The following MYLK4 variants were observed in gnomAD, a reference collection of about 807,000 sequenced individuals.
MYLK4 encodes myosin light chain kinase family member 4, also known as caMLCK like.
Under a neutral mutation model 48.1 loss-of-function variants are expected in MYLK4, and 46 were observed. The ratio of observed to expected loss-of-function variants is 0.96; its 90% CI spans 0.75 to 1.22. The LOEUF (loss-of-function observed/expected upper bound fraction) is 1.22. Among genes scored for constraint, MYLK4 ranks in the 50% most tolerant of loss-of-function variants. The probability of loss-of-function intolerance (pLI) is 0.00; values close to 1 mark genes in which losing one functional copy is unlikely to be tolerated. For synonymous variants in MYLK4, 170 were observed against 180.8 expected, an observed-to-expected ratio of 0.94 and a Z score of 0.48; for missense variants, 451 against 486.1, an observed-to-expected ratio of 0.93 and a Z score of 0.68.
At chr6:2,691,941 G>C (rs1204152290) in intron 3 of MYLK4, among the ~76,000 whole-genome samples, 1 of 152,176 alleles carries the variant, frequency 6.6e-6, no homozygotes, top group African/African-American at 2.4e-5. Flanking sequence ...CATAGCTCTA[G>C]AGAAAACATT....
chr6:2,752,802 G>A (rs561995228), upstream of MYLK4, among the ~76,000 whole-genome samples: 5 of 152,246 alleles, frequency 3.3e-5, no homozygotes, highest in African/African-American at 1.2e-4. Flanking sequence ...CTTTAATTGT[G>A]TCTACTTGCC....
chr6:2,743,799 C>G (rs1399465970), intron 2 of MYLK4: 1 of 396,188 alleles, frequency 2.5e-6, no homozygotes, highest in East Asian at 3.6e-5. Context: ...AAAGATTCAG[C>G]CAGGGCATGC....
chr6:2,717,936 T>C (rs1183903594), intron 2 of MYLK4, among the ~76,000 whole-genome samples: 1 of 152,146 alleles, frequency 6.6e-6, no homozygotes, highest in African/African-American at 2.4e-5. Context: ...ATCCCAGCAC[T>C]TTGGGCGGCC....
At chr6:2,670,746 A>G (rs1760854619) in intron 12 of MYLK4, among the ~76,000 whole-genome samples, 3 of 152,178 alleles carry the variant, frequency 2.0e-5, no homozygotes, top group South Asian at 2.1e-4. Context: ...GCAGGCCAAG[A>G]TCAGGAAGCA....
chr6:2,763,607 C>T, the MYLK4 span, among the ~76,000 whole-genome samples: 23 of 152,380 alleles, frequency 1.5e-4, no homozygotes, highest in South Asian at 3.5e-3. Context: ...CGCGCTGGCC[C>T]GCAAGCACCG....
Position 2,664,505 on chromosome 6 carries a change from G to A in MYLK4, c.*3420C>T, listed in dbSNP as rs1760571437. ...ACCCGTGCTGCGTGGCTGGGGGAGG[G>A]GCAGAGGAAGCAGAAGAGACAAAAA... On this transcript the variant is annotated 3_prime_UTR_variant, in exon 13 of 13. Coordinates refer to ENST00000274643, the MANE Select transcript of MYLK4 (RefSeq NM_001012418.5). The A allele has an allele frequency of 6.6e-6, 1 of 152,156 alleles. No individual in the cohort carries two copies. The highest frequency in any genetic ancestry group is 2.4e-5 in the African/African-American group (1 of 41,434). The allele number at this position is 152,156 out of a possible 1,614,324, so 9.4% of individuals were successfully genotyped here. A position where few individuals can be genotyped will look rare whatever the true frequency, so the allele number is the denominator to read the frequency against.
chr6:2,686,779 G>C (rs888932436), intron 4 of MYLK4, among the ~76,000 whole-genome samples: 1 of 152,196 alleles, frequency 6.6e-6, no homozygotes, highest in Non-Finnish European at 1.5e-5. Flanking sequence ...ACGTAGCCAC[G>C]GCGTGACTTC....
At chr6:2,757,093 G>A in the MYLK4 span, among the ~76,000 whole-genome samples, 4 of 151,636 alleles carry the variant, frequency 2.6e-5, no homozygotes, top group Admixed American at 2.0e-4. Flanking sequence ...GCCATAGGGC[G>A]TGCATTAATG....
At chr6:2,712,115 T>A (rs536663739) in intron 2 of MYLK4, among the ~76,000 whole-genome samples, 1 of 152,334 alleles carries the variant, frequency 6.6e-6, no homozygotes, top group East Asian at 1.9e-4. Flanking sequence ...ATGTTTCCAC[T>A]AATGCTCACT....
intron 2 of MYLK4, among the ~76,000 whole-genome samples, chr6:2,700,186 C>A (rs1275036288): frequency 1.3e-5 from 2 of 152,126 alleles, no homozygotes; most frequent in Non-Finnish European, 2.9e-5. Context: ...CCCTCTCAAA[C>A]TCGCATTGCT....
At chr6:2,700,382 G>A (rs764489774) in intron 2 of MYLK4, among the ~76,000 whole-genome samples, 15 of 152,140 alleles carry the variant, frequency 9.9e-5, no homozygotes, top group Non-Finnish European at 1.5e-4. Context: ...CCACACCCCA[G>A]GGATTGTAAA....
At chr6:2,688,700 A>C in intron 4 of MYLK4, 151 bp downstream of exon 4, 2 of 668,654 alleles carry the variant, frequency 3.0e-6, no homozygotes, top group East Asian at 5.2e-5. Flanking sequence ...CCTTTCTGGC[A>C]TCAGTGACAA....
chr6:2,731,646 G>A (rs1763483078), intron 2 of MYLK4, among the ~76,000 whole-genome samples: 1 of 152,116 alleles, frequency 6.6e-6, no homozygotes, highest in South Asian at 2.1e-4. Flanking sequence ...TTCCACTGCT[G>A]AATTCTCTCT....
rs769077430 is a variant in MYLK4 at position 2,678,351 on chromosome 6, G to A, written c.909C>T (p.Phe303=). The change falls in exon 10 of 13, where the codon TTC becomes TTT. Residue 303 remains phenylalanine (F), a synonymous_variant. Transcript: ENST00000274643. ...AYMLLSGLSP[F]LGDNDAETLN... is the part of the protein sequence containing the mutation. ...GCGTCTCAGCATCATTGTCACCCAG[G>A]AAAGGCGACAAACCGCTAAGTCTGG... 1.2e-6 allele frequency: 2 copies of A among 1,613,978 alleles called. No homozygotes were observed. Among genetic ancestry groups the A allele is most frequent in the Non-Finnish European group, 1.7e-6 (2 of 1,180,022 alleles).
rs1331245452 is a variant in MYLK4, at chr6:2,676,370, C to A, written c.1041-1245G>T. The stretch of plus-strand genomic sequence containing the variant: ...TAAAAACCTCGTGACCTCCATCAAC[C>A]TCAGTTGGAAGTGTGGTTCTGCTTA... On this transcript the variant is annotated intron_variant, in intron 10 of 12. Transcript: ENST00000274643. 2.0e-5 allele frequency among the ~76,000 whole-genome samples: 3 copies of A among 152,154 alleles called. No homozygotes were observed. The East Asian group carries it at 5.8e-4, about 29-fold the overall frequency.
the MYLK4 span, among the ~76,000 whole-genome samples, chr6:2,764,555 T>C: frequency 1.3e-5 from 1 of 78,230 alleles, no homozygotes; most frequent in Non-Finnish European, 2.6e-5. Context: ...ACGGGAGACT[T>C]AGACAAAAGC....
At chr6:2,766,916 T>A in the MYLK4 span, among the ~76,000 whole-genome samples, 1 of 152,260 alleles carries the variant, frequency 6.6e-6, no homozygotes, top group Non-Finnish European at 1.5e-5. Context: ...TTTCCACTAG[T>A]TGTTGGTTTA....
chr6:2,704,808 CA>C (rs1762428086), intron 2 of MYLK4, among the ~76,000 whole-genome samples: 1 of 152,220 alleles, frequency 6.6e-6, no homozygotes, highest in African/African-American at 2.4e-5. Context: ...AACATCAAAT[CA>C]AGTGCTAAAT....
chr6:2,706,410 TGGATAA>T (rs982679119), intron 2 of MYLK4, among the ~76,000 whole-genome samples: 1 of 152,138 alleles, frequency 6.6e-6, no homozygotes, highest in African/African-American at 2.4e-5. Flanking sequence ...TTGGAGGTGA[TGGATAA>T]GTTTAGTAAC....
Sources: gnomAD v4.1 joint callset for allele counts (sites outside exome capture counted in the v4.1 genomes callset) on GRCh38, gnomAD v4.1.1 for gene constraint, MANE v1.5 for transcripts, NCBI Gene and HGNC (gene_info 2026-07-23, HGNC 2026-07-21) for gene names.